The following ARHGAP15 variants were observed in gnomAD, a reference collection of about 807,000 sequenced individuals.
ARHGAP15 encodes the protein Rho GTPase activating protein 15.
In ARHGAP15, 51 loss-of-function variants were observed where a neutral mutation model predicts 63.7. The ratio of observed to expected loss-of-function variants is 0.80; its 90% CI spans 0.64 to 1.01. The LOEUF is 1.01. Among genes scored for constraint, ARHGAP15 ranks in the 50% least tolerant of loss-of-function variants. The pLI, the probability that ARHGAP15 is intolerant of heterozygous loss-of-function variation, is 0.00. For synonymous variants in ARHGAP15, 191 were observed against 193.8 expected (o/e 0.99, Z 0.12); for missense variants, 560 against 564.6 (o/e 0.99, Z 0.08).
At chr2:143,473,333 G>A (rs757623536) in intron 8 of ARHGAP15, among the ~76,000 whole-genome samples, 10 of 152,112 alleles carry the variant, frequency 6.6e-5, no homozygotes, top group Non-Finnish European at 1.3e-4. Context: ...GTTCACAGGT[G>A]GCCTTTTCTT....
chr2:143,527,644 G>A (rs1243243386), intron 10 of ARHGAP15, among the ~76,000 whole-genome samples: 2 of 151,930 alleles, frequency 1.3e-5, no homozygotes, highest in Non-Finnish European at 2.9e-5. Context: ...AGATAATAAT[G>A]TCCTATATCT....
At chr2:143,348,571 C>G (rs1426292954) in intron 6 of ARHGAP15, among the ~76,000 whole-genome samples, 1 of 152,134 alleles carries the variant, frequency 6.6e-6, no homozygotes, top group African/African-American at 2.4e-5. Flanking sequence ...TCTGAAGTGT[C>G]AGCTTCATCT....
chr2:143,610,882 T>TC (rs1365067281), intron 11 of ARHGAP15, among the ~76,000 whole-genome samples: 7 of 151,884 alleles, frequency 4.6e-5, no homozygotes, highest in Non-Finnish European at 7.4e-5. Flanking sequence ...GCACGCACCA[T>TC]CATGTCCGGC....
chr2:143,621,881 C>A (rs1487680680), intron 11 of ARHGAP15, among the ~76,000 whole-genome samples: 2 of 152,110 alleles, frequency 1.3e-5, no homozygotes, highest in Non-Finnish European at 2.9e-5. Context: ...TGTTTCCTTG[C>A]TCAAGTTAAA....
At chr2:143,176,878 G>A (rs774279394) in intron 2 of ARHGAP15, among the ~76,000 whole-genome samples, 3 of 152,146 alleles carry the variant, frequency 2.0e-5, no homozygotes, top group South Asian at 2.1e-4. Context: ...AGCTGGGGCC[G>A]AGGGTTGCAG....
At chr2:143,508,193 C>T (rs1035359961) in intron 9 of ARHGAP15, among the ~76,000 whole-genome samples, 3 of 152,152 alleles carry the variant, frequency 2.0e-5, no homozygotes, top group Admixed American at 6.5e-5. Context: ...CCACTCCAGC[C>T]ACTCAGGCCT....
At chr2:143,761,558 T>C (rs1466093312) in intron 13 of ARHGAP15, among the ~76,000 whole-genome samples, 1 of 152,216 alleles carries the variant, frequency 6.6e-6, no homozygotes, top group Non-Finnish European at 1.5e-5. Context: ...TGAACTATTA[T>C]TAAAGGCTTT....
At chr2:143,738,267 T>TA (rs1685831896) in intron 13 of ARHGAP15, among the ~76,000 whole-genome samples, 1 of 152,112 alleles carries the variant, frequency 6.6e-6, no homozygotes, top group Admixed American at 6.6e-5. Context: ...AATTTTTTTT[T>TA]ATCAGAGTAG....
chr2:143,397,626 T>A (rs189748523), intron 6 of ARHGAP15, among the ~76,000 whole-genome samples: 1 of 152,146 alleles, frequency 6.6e-6, no homozygotes, highest in African/African-American at 2.4e-5. Context: ...CATTTTTGCT[T>A]AACTTTTTTC....
At chr2:143,175,971 A>G (rs1001636035) in intron 2 of ARHGAP15, among the ~76,000 whole-genome samples, 3 of 152,214 alleles carry the variant, frequency 2.0e-5, no homozygotes, top group Non-Finnish European at 4.4e-5. Flanking sequence ...AGAAATTAGT[A>G]TGTTATACAT....
At chr2:143,247,663 A>G (rs1443744424) in intron 5 of ARHGAP15, among the ~76,000 whole-genome samples, 1 of 152,210 alleles carries the variant, frequency 6.6e-6, no homozygotes, top group South Asian at 2.1e-4. Flanking sequence ...AGATTTTTCA[A>G]GGAAGAGTCA....
At chr2:143,430,594 C>T (rs1482952721) in intron 6 of ARHGAP15, among the ~76,000 whole-genome samples, 1 of 152,018 alleles carries the variant, frequency 6.6e-6, no homozygotes, top group Non-Finnish European at 1.5e-5. Context: ...GTCTTGATAT[C>T]TCCCTATCAT....
At chr2:143,241,058 G>T (rs1693842962) in intron 5 of ARHGAP15, among the ~76,000 whole-genome samples, 1 of 151,914 alleles carries the variant, frequency 6.6e-6, no homozygotes, top group African/African-American at 2.4e-5. Flanking sequence ...TATCATTTTG[G>T]CCAATGAAAT....
intron 2 of ARHGAP15, among the ~76,000 whole-genome samples, chr2:143,158,387 G>C (rs1458756213): frequency 6.6e-6 from 1 of 151,846 alleles, no homozygotes. Context: ...CTATGCAAAC[G>C]TAGGTGAATT....
At chr2:143,257,740 T>G (rs780981112) in intron 6 of ARHGAP15, among the ~76,000 whole-genome samples, 13 of 152,132 alleles carry the variant, frequency 8.5e-5, no homozygotes, top group Non-Finnish European at 1.5e-4. Context: ...TGAGACTAAC[T>G]GAGCCACATG....
intron 10 of ARHGAP15, among the ~76,000 whole-genome samples, chr2:143,553,020 A>T (rs1479040798): frequency 6.6e-6 from 1 of 152,194 alleles, no homozygotes; most frequent in Non-Finnish European, 1.5e-5. Context: ...GTCCAAATCC[A>T]CCAATTTACA....
At chr2:143,305,543 G>A (rs1683127342) in intron 6 of ARHGAP15, 1 of 152,024 alleles carries the variant, frequency 6.6e-6, no homozygotes, top group Non-Finnish European at 1.5e-5. Context: ...TGTAATATAA[G>A]TTTTGTTTGA....
At chr2:143,530,861 G>A (rs1346871943) in intron 10 of ARHGAP15, among the ~76,000 whole-genome samples, 2 of 152,050 alleles carry the variant, frequency 1.3e-5, no homozygotes, top group African/African-American at 4.8e-5. Context: ...TTAATGCTCT[G>A]TTTACCTCTC....
At chr2:143,657,702 C>T (rs1416434584) in intron 12 of ARHGAP15, among the ~76,000 whole-genome samples, 3 of 152,082 alleles carry the variant, frequency 2.0e-5, no homozygotes, top group Admixed American at 2.0e-4. Flanking sequence ...CTAGTCATTC[C>T]ACCTATGTCT....
Sources: allele counts gnomAD v4.1 joint callset (sites outside exome capture counted in the v4.1 genomes callset), GRCh38; gene constraint gnomAD v4.1.1; transcripts MANE v1.5; gene names NCBI Gene and HGNC (gene_info 2026-07-23, HGNC 2026-07-21).